MAF: variants seen among roughly 807,000 people sequenced by gnomAD.
MAF encodes the protein transcription factor Maf.
In MAF, 10 loss-of-function variants were observed where a neutral mutation model predicts 22.0. The observed-to-expected ratio is 0.45, with a 90% CI of 0.28 to 0.77. The LOEUF is 0.77. Among genes scored for constraint, MAF ranks in the 30% least tolerant of loss-of-function variants. The pLI is 0.12. For synonymous variants in MAF, 337 were observed against 255.8 expected (o/e 1.32, Z -3.03); for missense variants, 544 against 548.4 (o/e 0.99, Z 0.08).
chr16:79,556,878 A>G, the MAF span, among the ~76,000 whole-genome samples: 1 of 152,168 alleles, frequency 6.6e-6, no homozygotes, highest in African/African-American at 2.4e-5. Context: ...AAAAGCTTAT[A>G]ATAGTGCTTG....
At chr16:79,230,460 G>A in the MAF span, among the ~76,000 whole-genome samples, 1 of 152,146 alleles carries the variant, frequency 6.6e-6, no homozygotes, top group Admixed American at 6.5e-5. Flanking sequence ...TTGCCCGGGT[G>A]GGCGGTCTTG....
the MAF span, among the ~76,000 whole-genome samples, chr16:79,366,781 A>G: frequency 2.0e-5 from 3 of 152,258 alleles, no homozygotes; most frequent in African/African-American, 7.2e-5. Context: ...CCATGATCAG[A>G]GCAAGAAATA....
chr16:79,408,736 C>T, the MAF span, among the ~76,000 whole-genome samples: 1 of 151,850 alleles, frequency 6.6e-6, no homozygotes, highest in East Asian at 1.9e-4. Flanking sequence ...TTTCCTCCCT[C>T]AAATAATGTA....
chr16:79,217,168 G>A, the MAF span, among the ~76,000 whole-genome samples: 4 of 152,146 alleles, frequency 2.6e-5, no homozygotes, highest in Non-Finnish European at 4.4e-5. Flanking sequence ...GCCAGTTGAT[G>A]GGTTAGGCAA....
chr16:79,408,860 G>C, the MAF span, among the ~76,000 whole-genome samples: 1 of 152,072 alleles, frequency 6.6e-6, no homozygotes, highest in African/African-American at 2.4e-5. Context: ...AATCAGATGG[G>C]GGGTCATATA....
the MAF span, among the ~76,000 whole-genome samples, chr16:79,375,613 G>A: frequency 6.6e-6 from 1 of 152,102 alleles, no homozygotes; most frequent in Non-Finnish European, 1.5e-5. Context: ...TGATGATGAT[G>A]AAGGTGATGA....
chr16:79,385,552 G>A, the MAF span, among the ~76,000 whole-genome samples: 1 of 152,186 alleles, frequency 6.6e-6, no homozygotes, highest in African/African-American at 2.4e-5. Context: ...TGAATAATAA[G>A]ATTATACTTT....
At chr16:79,394,174 G>C in the MAF span, among the ~76,000 whole-genome samples, 193 of 152,350 alleles carry the variant, frequency 1.3e-3, no homozygotes, top group Admixed American at 2.2e-3. Flanking sequence ...AGACATCACA[G>C]ACAGTGATGG....
the MAF span, among the ~76,000 whole-genome samples, chr16:79,225,490 C>G: frequency 8.7e-4 from 132 of 152,220 alleles, no homozygotes; most frequent in African/African-American, 2.9e-3. Flanking sequence ...ACTAAAACAG[C>G]CAAAGCAATG....
chr16:79,512,879 A>C, the MAF span, among the ~76,000 whole-genome samples: 1 of 152,184 alleles, frequency 6.6e-6, no homozygotes, highest in African/African-American at 2.4e-5. Flanking sequence ...AAGACATTCC[A>C]CACGTGCTGT....
At position 79,599,028 on chromosome 16, in the gene MAF, T is replaced by C; in HGVS notation, c.875A>G (p.Lys292Arg). The C allele has an allele frequency of 6.2e-7, 1 of 1,613,452 alleles. No individual in the cohort carries two copies. Among genetic ancestry groups the C allele is most frequent in the Non-Finnish European group, 8.5e-7 (1 of 1,179,932 alleles). Residue 292 changes from lysine (K) to arginine (R), a missense_variant, in exon 1 of 2, where the codon AAG becomes AGG. Physicochemically the swap from Lys to Arg is conservative, Grantham distance 26. Coordinates refer to ENST00000326043, the MANE Select transcript of MAF (RefSeq NM_005360.5). ...GCCGCGGTTTTTCAGGGTCCGCCTC[T>C]TCTGCTTCAGCCGGATCACCTCCTC... ...SKEEVIRLKQ[K>R]RRTLKNRGYA... is the part of the protein sequence containing the mutation.
chr16:79,357,509 C>G, the MAF span, among the ~76,000 whole-genome samples: 1 of 152,142 alleles, frequency 6.6e-6, no homozygotes, highest in South Asian at 2.1e-4. Context: ...AGCACTGTGC[C>G]TCTAGATCCT....
At chr16:79,577,858 T>C in the MAF span, among the ~76,000 whole-genome samples, 19 of 152,316 alleles carry the variant, frequency 1.2e-4, 1 homozygote, top group African/African-American at 4.6e-4. Context: ...TCCATGTATA[T>C]TTTAAAACTT....
At chr16:79,384,698 A>G in the MAF span, among the ~76,000 whole-genome samples, 3 of 152,160 alleles carry the variant, frequency 2.0e-5, no homozygotes, top group African/African-American at 7.2e-5. Flanking sequence ...CGGAGGTTGC[A>G]GTGAGCCAAG....
At chr16:79,355,402 C>G in the MAF span, among the ~76,000 whole-genome samples, 1 of 152,200 alleles carries the variant, frequency 6.6e-6, no homozygotes, top group African/African-American at 2.4e-5. Flanking sequence ...AAGTACAGCC[C>G]AGCGGAGTCA....
chr16:79,554,855 G>A, the MAF span, among the ~76,000 whole-genome samples: 1 of 152,134 alleles, frequency 6.6e-6, no homozygotes, highest in African/African-American at 2.4e-5. Context: ...AACTGATTCT[G>A]CGTGATTTTT....
the MAF span, among the ~76,000 whole-genome samples, chr16:79,531,877 T>C: frequency 2.0e-5 from 3 of 151,968 alleles, no homozygotes. Context: ...TAGGCATCAG[T>C]GAGATCTAGA....
At chr16:79,525,687 G>A in the MAF span, among the ~76,000 whole-genome samples, 1 of 152,134 alleles carries the variant, frequency 6.6e-6, no homozygotes, top group South Asian at 2.1e-4. Context: ...CACACCTGGT[G>A]TTTAAAGCCT....
chr16:79,375,613 G>C, the MAF span, among the ~76,000 whole-genome samples: 1 of 152,102 alleles, frequency 6.6e-6, no homozygotes, highest in African/African-American at 2.4e-5. Context: ...TGATGATGAT[G>C]AAGGTGATGA....
Sources: gnomAD v4.1 joint callset for allele counts (sites outside exome capture counted in the v4.1 genomes callset) on GRCh38, gnomAD v4.1.1 for gene constraint, MANE v1.5 for transcripts, NCBI Gene and HGNC (gene_info 2026-07-23, HGNC 2026-07-21) for gene names.